ZNF423: variants seen among roughly 807,000 people sequenced by gnomAD.
ZNF423 encodes zinc finger protein 423.
A neutral mutation model predicts 95.8 loss-of-function variants in ZNF423; 12 were observed. The observed-to-expected ratio is 0.13, with a 90% CI of 0.08 to 0.20. The LOEUF is 0.20. Ranked by LOEUF, ZNF423 falls within the 10% of genes least tolerant of loss-of-function variation. The pLI is 1.00. For synonymous variants in ZNF423, 749 were observed against 711.9 expected, an observed-to-expected ratio of 1.05 and a Z score of -0.83; for missense variants, 1,316 against 1,737.1, an observed-to-expected ratio of 0.76 and a Z score of 4.31.
intron 1 of ZNF423, among the ~76,000 whole-genome samples, chr16:49,817,066 C>T (rs140329207): frequency 1.7e-3 from 265 of 152,302 alleles, no homozygotes; most frequent in African/African-American, 6.0e-3. Context: ...TGAGATCAGA[C>T]ACTTGGTGTC....
chr16:49,706,621 CA>C (rs2032359777), intron 3 of ZNF423, among the ~76,000 whole-genome samples: 1 of 152,230 alleles, frequency 6.6e-6, no homozygotes, highest in African/African-American at 2.4e-5. Context: ...GAAATTAAAA[CA>C]AATGACCCTG....
chr16:49,742,669 G>C (rs1356767803), intron 2 of ZNF423, among the ~76,000 whole-genome samples: 1 of 152,148 alleles, frequency 6.6e-6, no homozygotes, highest in Non-Finnish European at 1.5e-5. Context: ...TGGTCAGGCA[G>C]CGTGGGGAGC....
chr16:49,853,544 T>C, intron 1 of ZNF423: 1 of 758,690 alleles, frequency 1.3e-6, no homozygotes, highest in Non-Finnish European at 1.6e-6. Flanking sequence ...AGGCTCTGTG[T>C]GGCTGATATT....
rs368771984 is a variant in ZNF423, at chr16:49,727,339, C to T, written c.301+3432G>A. ...CAGAGGCCGGGCTCCAGGTTGGGGA[C>T]GGGGGGGTCTTCCATCGTGGCCATT... On this transcript the variant is annotated intron_variant, in intron 3 of 7. Transcript: ENST00000563137. 4.5e-3 allele frequency among the ~76,000 whole-genome samples: 679 copies of T among 152,162 alleles called. 6 individuals are homozygous for T. Among genetic ancestry groups the T allele is most frequent in the African/African-American group, 0.015 (639 of 41,532 alleles).
intron 1 of ZNF423, among the ~76,000 whole-genome samples, chr16:49,808,690 C>T (rs1043213507): frequency 2.6e-5 from 4 of 152,196 alleles, no homozygotes; most frequent in African/African-American, 9.7e-5. Context: ...GCTGGCTACA[C>T]ACTCTGGCAA....
chr16:49,853,860 A>G, intron 1 of ZNF423: 1 of 985,378 alleles, frequency 1.0e-6, no homozygotes, highest in Non-Finnish European at 1.2e-6. Context: ...GGAGGTTTGG[A>G]GAAGTGGATT....
At chr16:49,491,394 G>C in intron 7 of ZNF423, 90 bp from the exon 8 acceptor site, 3 of 1,497,616 alleles carry the variant, frequency 2.0e-6, no homozygotes, top group Non-Finnish European at 2.8e-6. Flanking sequence ...GCCGGGAGCC[G>C]CAGAAAAGCG....
At position 49,636,115 on chromosome 16, in the gene ZNF423, G is replaced by A. The variant is rs35529066; in HGVS notation, c.3061C>T (p.Leu1021=). 1,516 of 1,613,940 alleles carry A rather than the reference G, an allele frequency of 9.4e-4. 14 individuals are homozygous for A. In the African/African-American group the frequency reaches 0.018, roughly 20 times the overall value. Residue 1021 remains leucine, a synonymous_variant, in exon 4 of 8, where the codon CTG becomes TTG. Coordinates refer to ENST00000563137, the MANE Select transcript of ZNF423 (RefSeq NM_001379286.1). This position sits in a 1 kb window ranked among gnomAD's most constrained non-coding sequence, Gnocchi z 8.6. ...FIEHCQMHPD[L]RNSLTGFRCV... ...CGGAAGCCCGTGAGTGAGTTGCGCA[G>A]GTCAGGGTGCATCTGGCAGTGCTCA...
At chr16:49,738,469 A>C (rs541028867) in intron 2 of ZNF423, among the ~76,000 whole-genome samples, 86 of 152,244 alleles carry the variant, frequency 5.6e-4, no homozygotes, top group African/African-American at 1.9e-3. Context: ...GCCCAAAAGA[A>C]GCCTGAATCT....
At chr16:49,589,070 C>T (rs1039183109) in intron 5 of ZNF423, among the ~76,000 whole-genome samples, 2 of 152,170 alleles carry the variant, frequency 1.3e-5, no homozygotes, top group East Asian at 1.9e-4. Context: ...ACTGAAGGGG[C>T]CACAGAAAAT....
chr16:49,790,382 C>T (rs762276586), intron 1 of ZNF423, among the ~76,000 whole-genome samples: 18 of 152,268 alleles, frequency 1.2e-4, no homozygotes, highest in Non-Finnish European at 2.2e-4. Flanking sequence ...GAGCCAGGCA[C>T]TGTGCTGGGG....
intron 3 of ZNF423, among the ~76,000 whole-genome samples, chr16:49,728,849 C>A (rs956643798): frequency 1.3e-5 from 2 of 152,230 alleles, no homozygotes; most frequent in African/African-American, 4.8e-5. Context: ...TCTTTTGCCT[C>A]AGCCTCCCAA....
chr16:49,750,294 A>G (rs2033609867), intron 2 of ZNF423, among the ~76,000 whole-genome samples: 1 of 152,116 alleles, frequency 6.6e-6, no homozygotes, highest in Non-Finnish European at 1.5e-5. Flanking sequence ...GGGTTTTGTC[A>G]CTAACATTTA....
rs1166198123 is a variant in ZNF423, at chr16:49,855,988, G to C, written c.-214C>G. 6.6e-6 allele frequency: 1 copy of C among 151,022 alleles called. No individual in the cohort carries two copies. Among genetic ancestry groups the C allele is most frequent in the Non-Finnish European group, 1.5e-5 (1 of 67,520 alleles). 9.4% of individuals were successfully genotyped at this position (151,022 alleles called of 1,614,324 possible). A position where few individuals can be genotyped will look rare whatever the true frequency, so the allele number is the denominator to read the frequency against. On this transcript the variant is annotated 5_prime_UTR_variant, in exon 1 of 8. Coordinates refer to ENST00000563137, the MANE Select transcript of ZNF423 (RefSeq NM_001379286.1). The surrounding 1 kb of genome is among the most constrained non-coding windows in gnomAD (Gnocchi z 4.7). ...GGCCGGCCGAGGCCGCTCGAAGGCG[G>C]GGGGAGGCCCGGGGGGCGCGCCGGG...
At chr16:49,819,076 C>A (rs1329225314) in intron 1 of ZNF423, among the ~76,000 whole-genome samples, 2 of 151,478 alleles carry the variant, frequency 1.3e-5, no homozygotes, top group Non-Finnish European at 2.9e-5. Context: ...AATGGTGAAA[C>A]CCCGTCTCTA....
intron 1 of ZNF423, among the ~76,000 whole-genome samples, chr16:49,815,878 AAAAATAT>A (rs1156789564): frequency 4.9e-5 from 3 of 61,404 alleles, no homozygotes; most frequent in African/African-American, 7.5e-5. Flanking sequence ...AACAAAAAAA[AAAAATAT>A]ATATATATAT....
intron 7 of ZNF423, among the ~76,000 whole-genome samples, chr16:49,514,194 ACACACACACACACACACATG>A (rs1968026603): frequency 8.3e-6 from 1 of 120,392 alleles, no homozygotes; most frequent in Non-Finnish European, 1.7e-5. Flanking sequence ...CAACACACAC[ACACACACACACACACACATG>A]CACACGCACA....
intron 7 of ZNF423, chr16:49,518,026 C>T (rs1478230608): frequency 4.4e-6 from 2 of 450,992 alleles, no homozygotes; most frequent in Non-Finnish European, 4.4e-6. Context: ...TTAACACTTC[C>T]TCCTGGTGAT....
chr16:49,670,023 G>A (rs962287072), intron 3 of ZNF423, among the ~76,000 whole-genome samples: 8 of 152,338 alleles, frequency 5.3e-5, no homozygotes, highest in East Asian at 1.9e-4. Flanking sequence ...CCATCTGTCC[G>A]TTCCCCTGCA....
Sources: gnomAD v4.1 joint callset for allele counts (sites outside exome capture counted in the v4.1 genomes callset) on GRCh38, gnomAD v4.1.1 for gene constraint, Gnocchi (gnomAD v3.1) non-coding constraint, MANE v1.5 for transcripts, NCBI Gene and HGNC (gene_info 2026-07-23, HGNC 2026-07-21) for gene names.